MACROD1: variants seen among roughly 807,000 people sequenced by gnomAD.
MACROD1 encodes the protein mono-ADP ribosylhydrolase 1.
Under a neutral mutation model 41.4 loss-of-function variants are expected in MACROD1, and 31 were observed. The observed-to-expected ratio is 0.75, with a 90% CI of 0.56 to 1.01. MACROD1 has a LOEUF of 1.01. Among genes scored for constraint, MACROD1 ranks in the 50% least tolerant of loss-of-function variants. The probability of loss-of-function intolerance (pLI) is 0.00; values close to 1 mark genes in which losing one functional copy is unlikely to be tolerated. For synonymous variants in MACROD1, 252 were observed against 203.4 expected, an observed-to-expected ratio of 1.24 and a Z score of -2.03; for missense variants, 473 against 460.0, an observed-to-expected ratio of 1.03 and a Z score of -0.26.
At chr11:64,157,180 C>T (rs1304387845) in intron 1 of MACROD1, among the ~76,000 whole-genome samples, 1 of 152,128 alleles carries the variant, frequency 6.6e-6, no homozygotes, top group Admixed American at 6.5e-5. Flanking sequence ...GCAACCTCTG[C>T]CTCCTGGGTT....
chr11:63,999,207 AG>A (rs1942772082), intron 8 of MACROD1, 123 bp downstream of exon 8: 1 of 1,394,044 alleles, frequency 7.2e-7, no homozygotes, highest in Non-Finnish European at 9.7e-7. Context: ...CTTGCGCAGG[AG>A]AAACAGGGAA....
At chr11:64,130,956 C>T (rs1411977974) in intron 3 of MACROD1, among the ~76,000 whole-genome samples, 2 of 152,252 alleles carry the variant, frequency 1.3e-5, no homozygotes, top group Non-Finnish European at 2.9e-5. Context: ...GAGAACTGGC[C>T]GGCCCGGCGA....
At chr11:64,065,525 C>A (rs1048928265) in intron 3 of MACROD1, among the ~76,000 whole-genome samples, 1 of 152,164 alleles carries the variant, frequency 6.6e-6, no homozygotes, top group African/African-American at 2.4e-5. Context: ...CGCGGTGGCT[C>A]ATGCCTGTAA....
intron 4 of MACROD1, among the ~76,000 whole-genome samples, chr11:64,002,552 A>G (rs763938376): frequency 6.6e-6 from 1 of 152,130 alleles, no homozygotes; most frequent in Non-Finnish European, 1.5e-5. Flanking sequence ...GGTCACTGTC[A>G]GCCCACTGCT....
At chr11:64,023,204 C>T (rs1943180459) in intron 3 of MACROD1, among the ~76,000 whole-genome samples, 1 of 152,118 alleles carries the variant, frequency 6.6e-6, no homozygotes, top group South Asian at 2.1e-4. Context: ...ACCCTCCTGT[C>T]CCACTTACAG....
At chr11:64,056,994 C>T (rs1245068163) in intron 3 of MACROD1, among the ~76,000 whole-genome samples, 1 of 152,210 alleles carries the variant, frequency 6.6e-6, no homozygotes, top group Non-Finnish European at 1.5e-5. Context: ...CCCTTCCTTT[C>T]AGCTTCTGCG....
chr11:64,107,990 CTTATT>C (rs1944793227), intron 3 of MACROD1, among the ~76,000 whole-genome samples: 1 of 152,102 alleles, frequency 6.6e-6, no homozygotes, highest in Non-Finnish European at 1.5e-5. Context: ...TGAAAGTAAC[CTTATT>C]TTATCTTCAC....
chr11:64,164,229 G>T (rs1177191369), intron 1 of MACROD1, among the ~76,000 whole-genome samples: 2 of 152,234 alleles, frequency 1.3e-5, no homozygotes, highest in South Asian at 2.1e-4. Flanking sequence ...TTTGCTGCAT[G>T]ATTGGAAATC....
intron 3 of MACROD1, among the ~76,000 whole-genome samples, chr11:64,144,090 C>A (rs570636927): frequency 6.6e-6 from 1 of 151,884 alleles, no homozygotes; most frequent in South Asian, 2.1e-4. Flanking sequence ...CAAGCCCCCC[C>A]AACTCAGGCC....
At chr11:64,123,909 C>T (rs1413598394) in intron 3 of MACROD1, among the ~76,000 whole-genome samples, 1 of 152,124 alleles carries the variant, frequency 6.6e-6, no homozygotes, top group African/African-American at 2.4e-5. Context: ...TAGATGGGGA[C>T]GTGGCAGATA....
rs777886552 is a variant in MACROD1, at chr11:63,998,971, G to A, written c.957C>T (p.Pro319=). 1.2e-6 allele frequency: 2 copies of A among 1,606,076 alleles called. No homozygotes were observed. The highest frequency in any genetic ancestry group is 2.7e-5 in the African/African-American group (2 of 74,888). The change falls in exon 9 of 11, where the codon CCC becomes CCT. Residue 319 remains proline (P), a synonymous_variant. Transcript: ENST00000255681. ...GGCACGTACCCACGGGGAAGTAGTGGGGGAGCCGGCTCCGGTAGATGTCCT... is the reference window on the plus strand; with the variant it reads ...GGCACGTACCCACGGGGAAGTAGTGAGGGAGCCGGCTCCGGTAGATGTCCT... ...KDEDIYRSRL[P]HYFPVA
rs186050266 is a variant in MACROD1 at position 64,074,837 on chromosome 11, C to T, written c.518-59556G>A. 1.6e-4 allele frequency among the ~76,000 whole-genome samples: 24 copies of T among 152,322 alleles called. 1 individual carries two copies. The highest frequency in any genetic ancestry group is 1.5e-3 in the Admixed American group (23 of 15,300). On this transcript the variant is annotated intron_variant, in intron 3 of 10. Transcript: ENST00000255681. The stretch of plus-strand genomic sequence containing the variant: ...GGCTTGGGGTGGGGAAGCCTGTGGC[C>T]TGCCTGGTGAGCTCTGACCTCACTC...
chr11:64,079,512 A>T (rs1944266587), intron 3 of MACROD1, among the ~76,000 whole-genome samples: 2 of 152,186 alleles, frequency 1.3e-5, no homozygotes, highest in African/African-American at 4.8e-5. Context: ...TGCCTTAAGC[A>T]GTCACCAGCA....
At chr11:64,000,831 C>A (rs1056933953) in intron 4 of MACROD1, among the ~76,000 whole-genome samples, 5 of 152,146 alleles carry the variant, frequency 3.3e-5, no homozygotes, top group African/African-American at 1.2e-4. Flanking sequence ...CAGGCGGCGC[C>A]CCATCACGGG....
intron 3 of MACROD1, among the ~76,000 whole-genome samples, chr11:64,061,193 A>C (rs1943896430): frequency 6.6e-6 from 1 of 152,254 alleles, no homozygotes; most frequent in African/African-American, 2.4e-5. Context: ...CCAGTAAATA[A>C]GTCCCCCGCT....
chr11:64,130,649 C>T (rs752315944), intron 3 of MACROD1, among the ~76,000 whole-genome samples: 5 of 152,182 alleles, frequency 3.3e-5, no homozygotes, highest in Non-Finnish European at 5.9e-5. Flanking sequence ...GGCTCATCCA[C>T]TTTCAGGCAC....
chr11:64,150,788 A>T (rs1004535439), intron 3 of MACROD1, among the ~76,000 whole-genome samples: 1 of 152,210 alleles, frequency 6.6e-6, no homozygotes, highest in Non-Finnish European at 1.5e-5. Context: ...GGCTCTGGAA[A>T]GCTGCCAGGG....
chr11:64,091,088 G>C (rs1360243337), intron 3 of MACROD1, among the ~76,000 whole-genome samples: 2 of 149,064 alleles, frequency 1.3e-5, no homozygotes, highest in Non-Finnish European at 3.0e-5. Context: ...CATGGGAGGA[G>C]GAGGGGAGAA....
intron 3 of MACROD1, among the ~76,000 whole-genome samples, chr11:64,127,324 C>T (rs1446785510): frequency 6.6e-6 from 1 of 152,262 alleles, no homozygotes; most frequent in African/African-American, 2.4e-5. Flanking sequence ...CGGCTTGGCA[C>T]CCCATCGGGC....
Sources: allele counts gnomAD v4.1 joint callset (sites outside exome capture counted in the v4.1 genomes callset), GRCh38; gene constraint gnomAD v4.1.1; transcripts MANE v1.5; gene names NCBI Gene and HGNC (gene_info 2026-07-23, HGNC 2026-07-21).